The following GAD2 variants were observed in gnomAD, a reference collection of about 807,000 sequenced individuals.
The protein encoded by GAD2 is 65 kDa glutamic acid decarboxylase.
GAD2 carries 22 observed loss-of-function variants against 80.1 expected under a neutral mutation model. That is an observed-to-expected ratio of 0.27 (90% CI 0.20 to 0.39). The LOEUF is 0.39. Ranked by LOEUF, GAD2 falls within the 10% of genes least tolerant of loss-of-function variation. GAD2 has a pLI of 1.00. For missense variants in GAD2, 624 were observed against 738.4 expected, an observed-to-expected ratio of 0.85 and a Z score of 1.80; for synonymous variants, 274 against 256.9, an observed-to-expected ratio of 1.07 and a Z score of -0.64.
chr10:26,245,245 A>G (rs1844791852), intron 7 of GAD2, among the ~76,000 whole-genome samples: 1 of 151,848 alleles, frequency 6.6e-6, no homozygotes, highest in African/African-American at 2.4e-5. Flanking sequence ...GAGGGAGAGC[A>G]TTAGGAAAAA....
intron 11 of GAD2, among the ~76,000 whole-genome samples, chr10:26,277,372 A>T (rs1845222005): frequency 6.6e-6 from 1 of 152,196 alleles, no homozygotes; most frequent in Admixed American, 6.5e-5. Flanking sequence ...TCCACGAAAC[A>T]TAGATCCCTG....
chr10:26,276,668 G>A (rs771909543), intron 11 of GAD2, among the ~76,000 whole-genome samples: 39 of 152,154 alleles, frequency 2.6e-4, no homozygotes, highest in Admixed American at 1.5e-3. Flanking sequence ...TATTACAGGC[G>A]TGAGCCACCG....
chr10:26,268,876 T>C (rs867462988), intron 8 of GAD2, among the ~76,000 whole-genome samples: 1 of 152,202 alleles, frequency 6.6e-6, no homozygotes, highest in South Asian at 2.1e-4. Flanking sequence ...CAGAGGGTCA[T>C]GGTAATCGTT....
intron 8 of GAD2, among the ~76,000 whole-genome samples, chr10:26,262,595 G>A (rs1845022274): frequency 6.6e-6 from 1 of 151,674 alleles, no homozygotes. Context: ...TTACACTGTT[G>A]TTTCCCTAGC....
chr10:26,228,700 C>T (rs1357269475), intron 6 of GAD2, among the ~76,000 whole-genome samples: 2 of 152,146 alleles, frequency 1.3e-5, no homozygotes. Context: ...TTGTGAACTG[C>T]GCATGCGAGG....
intron 8 of GAD2, among the ~76,000 whole-genome samples, chr10:26,260,957 GAC>G (rs1845002438): frequency 6.6e-6 from 1 of 152,176 alleles, no homozygotes; most frequent in Non-Finnish European, 1.5e-5. Context: ...TGTTTTGACA[GAC>G]ACAGGCATGC....
At chr10:26,255,095 G>C (rs550647170) in intron 8 of GAD2, among the ~76,000 whole-genome samples, 1 of 152,216 alleles carries the variant, frequency 6.6e-6, no homozygotes, top group Non-Finnish European at 1.5e-5. Context: ...GCAGAAGGTG[G>C]CCTGGGAAGG....
intron 8 of GAD2, among the ~76,000 whole-genome samples, chr10:26,264,191 C>T (rs1451158104): frequency 6.6e-6 from 1 of 152,088 alleles, no homozygotes. Flanking sequence ...TCATACAAAT[C>T]CTCTGAGACA....
In GAD2 at chr10:26,290,449, C is replaced by G. The variant is rs955602562; in HGVS notation, c.1387-2016C>G. On this transcript the variant is annotated intron_variant, in intron 13 of 15. Coordinates refer to ENST00000376261, the MANE Select transcript of GAD2 (RefSeq NM_001134366.2). Reference sequence around the variant, plus strand: ...AGAAGTAGGATTTCACCCAGCAGTGCTGTGAGAAGGCCATTCCACGGAGTG... The same window carrying G: ...AGAAGTAGGATTTCACCCAGCAGTGGTGTGAGAAGGCCATTCCACGGAGTG... 6.6e-5 allele frequency among the ~76,000 whole-genome samples: 10 copies of G among 152,286 alleles called. No individual in the cohort carries two copies. The East Asian group carries it at 1.9e-3, about 29-fold the overall frequency.
chr10:26,259,252 A>G (rs943719493), intron 8 of GAD2, among the ~76,000 whole-genome samples: 1 of 152,222 alleles, frequency 6.6e-6, no homozygotes, highest in Non-Finnish European at 1.5e-5. Flanking sequence ...TGGTAATTCT[A>G]TCTTTAATTT....
At chr10:26,243,905 G>C (rs1169914961) in intron 7 of GAD2, among the ~76,000 whole-genome samples, 1 of 152,182 alleles carries the variant, frequency 6.6e-6, no homozygotes, top group Non-Finnish European at 1.5e-5. Context: ...TGCTGGAGCT[G>C]GTTGATGTAT....
Position 26,217,983 on chromosome 10 carries a change from A to T in GAD2, c.278A>T (p.His93Leu). 1 of 1,609,702 alleles carries T rather than the reference A, an allele frequency of 6.2e-7. No individual in the cohort carries two copies. The change falls in exon 3 of 16, where the codon CAT becomes CTT. Residue 93 changes from histidine to leucine, a missense_variant. His to Leu is a moderately conservative substitution (Grantham distance 99, BLOSUM62 -3). Transcript: ENST00000376261. The surrounding 1 kb of genome is among the most constrained non-coding windows in gnomAD (Gnocchi z 4.9). ...SKVDVNYAFL[H>L]ATDLLPACDG... is the part of the protein sequence containing the mutation. ...GTGGATGTCAACTACGCGTTTCTCC[A>T]TGCAACAGGTAAAGACTCAGCGGGG... is the stretch of plus-strand genomic sequence containing the variant.
Position 26,270,621 on chromosome 10 carries a change from G to C in GAD2, c.976-19G>C, listed in dbSNP as rs771862408. 5 of 1,549,492 alleles carry C rather than the reference G, an allele frequency of 3.2e-6. No individual in the cohort carries two copies. The highest frequency in any genetic ancestry group is 1.7e-5 in the Admixed American group (1 of 59,784). ...CTTGACTCTGTTTTCCATGATTTGG[G>C]GCTTTCTCGTTCGCACAGGGGTTTG... On this transcript the variant is annotated intron_variant, in intron 9 of 15. Coordinates refer to ENST00000376261, the MANE Select transcript of GAD2 (RefSeq NM_001134366.2).
chr10:26,288,383 A>G (rs913123827), intron 13 of GAD2, among the ~76,000 whole-genome samples: 4 of 152,226 alleles, frequency 2.6e-5, no homozygotes, highest in Admixed American at 2.6e-4. Context: ...GTGAAGCTCC[A>G]CTGTGTTGCC....
At chr10:26,286,553 C>G (rs1013235829) in intron 13 of GAD2, 59 bp downstream of exon 13, 5 of 1,483,314 alleles carry the variant, frequency 3.4e-6, no homozygotes, top group Admixed American at 2.5e-5. Flanking sequence ...TCTGGTGACC[C>G]CATTATGAAA....
At chr10:26,218,551 T>TCTCACTCACACACA (rs748110324) in intron 3 of GAD2, among the ~76,000 whole-genome samples, 1 of 118,780 alleles carries the variant, frequency 8.4e-6, no homozygotes, top group Non-Finnish European at 1.7e-5. Flanking sequence ...TCTCTCTCTC[T>TCTCACTCACACACA]CACACACACA....
At chr10:26,257,050 T>C (rs1844952772) in intron 8 of GAD2, among the ~76,000 whole-genome samples, 1 of 152,174 alleles carries the variant, frequency 6.6e-6, no homozygotes. Context: ...GTCTCTCATT[T>C]ATTATCAGTA....
chr10:26,254,504 G>C (rs1361197766), intron 8 of GAD2, among the ~76,000 whole-genome samples: 1 of 152,158 alleles, frequency 6.6e-6, no homozygotes, highest in Non-Finnish European at 1.5e-5. Context: ...CCGTGGCCCG[G>C]GTAATGGGGA....
intron 7 of GAD2, among the ~76,000 whole-genome samples, chr10:26,238,709 G>T (rs191097510): frequency 6.6e-6 from 1 of 152,316 alleles, no homozygotes; most frequent in Admixed American, 6.5e-5. Context: ...CTCCCCTCCA[G>T]ATCATTATAA....
Sources: allele counts gnomAD v4.1 joint callset (sites outside exome capture counted in the v4.1 genomes callset), GRCh38; gene constraint gnomAD v4.1.1; non-coding constraint Gnocchi (gnomAD v3.1); transcripts MANE v1.5; gene names NCBI Gene and HGNC (gene_info 2026-07-23, HGNC 2026-07-21).